CCDC181: variants seen among roughly 807,000 people sequenced by gnomAD.
CCDC181 encodes coiled-coil domain containing 181.
A neutral mutation model predicts 58.7 loss-of-function variants in CCDC181; 35 were observed. That is an observed-to-expected ratio of 0.60 (90% CI 0.46 to 0.79). CCDC181 has a LOEUF of 0.79. CCDC181 is among the 30% of genes least tolerant of loss of function. The probability of loss-of-function intolerance (pLI) is 0.00; values close to 1 mark genes in which losing one functional copy is unlikely to be tolerated. For synonymous variants in CCDC181, 183 were observed against 197.5 expected, an observed-to-expected ratio of 0.93 and a Z score of 0.62; for missense variants, 517 against 583.9, an observed-to-expected ratio of 0.89 and a Z score of 1.18.
chr1:169,404,393 T>C (rs895548517), intron 4 of CCDC181, among the ~76,000 whole-genome samples: 1 of 152,174 alleles, frequency 6.6e-6, no homozygotes, highest in African/African-American at 2.4e-5. Context: ...CTGATGAACA[T>C]TGATGCAAAA....
At chr1:169,454,042 A>C (rs1195932674) in intron 2 of CCDC181, among the ~76,000 whole-genome samples, 3 of 152,012 alleles carry the variant, frequency 2.0e-5, no homozygotes, top group Non-Finnish European at 4.4e-5. Flanking sequence ...GACCAAATAG[A>C]TGCATTCTTG....
chr1:169,403,490 C>T (rs533093213), intron 4 of CCDC181, among the ~76,000 whole-genome samples: 13 of 152,294 alleles, frequency 8.5e-5, no homozygotes, highest in South Asian at 4.1e-4. Context: ...CAAACTAGAA[C>T]GCAGGCTTAA....
chr1:169,422,322 A>G lies in CCDC181; in HGVS notation c.118-9T>C. On this transcript the variant is annotated splice_polypyrimidine_tract_variant and intron_variant, in intron 2 of 5. Transcript: ENST00000367806. Reference sequence around the variant, plus strand: ...TCCTTCTCACAAGCCATCTAAAAACAAGATATTTTTCAGTCAAAATTGAGA... The same window carrying G: ...TCCTTCTCACAAGCCATCTAAAAACGAGATATTTTTCAGTCAAAATTGAGA... 1.3e-6 allele frequency: 2 copies of G among 1,510,464 alleles called. No homozygotes were observed. The highest frequency in any genetic ancestry group is 8.9e-7 in the Non-Finnish European group (1 of 1,121,110). The allele number at this position is 1,510,464 out of a possible 1,614,324, so 93.6% of individuals were successfully genotyped here.
chr1:169,455,694 A>G (rs527820586), intron 2 of CCDC181, among the ~76,000 whole-genome samples: 1 of 152,290 alleles, frequency 6.6e-6, no homozygotes, highest in South Asian at 2.1e-4. Flanking sequence ...CCTAGCAGCC[A>G]ATACAGTTAA....
At chr1:169,420,050 A>G (rs6427191) in intron 3 of CCDC181, among the ~76,000 whole-genome samples, 18,394 of 152,176 alleles carry the variant, frequency 0.12, 1,167 homozygotes, top group Admixed American at 0.14. Context: ...AGAGAATCCA[A>G]ATGAAAACAG....
chr1:169,415,850 T>C (rs1450904170), intron 4 of CCDC181, among the ~76,000 whole-genome samples: 2 of 152,174 alleles, frequency 1.3e-5, no homozygotes, highest in Non-Finnish European at 2.9e-5. Flanking sequence ...TGCCACGTAT[T>C]TCTATGGCCA....
At chr1:169,418,074 T>G (rs1571487796) in intron 4 of CCDC181, among the ~76,000 whole-genome samples, 1 of 152,294 alleles carries the variant, frequency 6.6e-6, no homozygotes, top group East Asian at 1.9e-4. Flanking sequence ...AACTATAAAT[T>G]CATATTATCT....
At position 169,439,460 on chromosome 1, in the gene CCDC181, G is replaced by T. The variant is rs1239152866; in HGVS notation, c.-23-14510C>A. On this transcript the variant is annotated intron_variant, in intron 2 of 6. Coordinates refer to the CCDC181 transcript ENST00000545005. ...CCTGACCCCCTCCCTCGTGGAACTT[G>T]TGACAGGGGTGCAGCTCATTTGCTC... Among the ~76,000 whole-genome samples the T allele has an allele frequency of 4.6e-5, 7 of 152,332 alleles. No individual in the cohort carries two copies. The East Asian group carries it at 7.7e-4, about 17-fold the overall frequency.
intron 2 of CCDC181, among the ~76,000 whole-genome samples, chr1:169,448,157 C>CATCCACTCCACTT (rs1463077289): frequency 1.3e-5 from 2 of 152,124 alleles, no homozygotes; most frequent in African/African-American, 4.8e-5. Flanking sequence ...ACATCATTGT[C>CATCCACTCCACTT]ATCCACTCCA....
chr1:169,453,368 T>G (rs1657599192), intron 2 of CCDC181, among the ~76,000 whole-genome samples: 1 of 152,126 alleles, frequency 6.6e-6, no homozygotes, highest in Non-Finnish European at 1.5e-5. Flanking sequence ...TAAATAGTAA[T>G]GTATGTGAAA....
Position 169,427,472 on chromosome 1 carries a change from A to G in CCDC181, c.-208T>C, listed in dbSNP as rs930402184. 1 of 152,228 alleles carries G rather than the reference A, an allele frequency of 6.6e-6. No individual in the cohort carries two copies. Among genetic ancestry groups the G allele is most frequent in the African/African-American group, 2.4e-5 (1 of 41,450 alleles). The allele number at this position is 152,228 out of a possible 1,614,324, so 9.4% of individuals were successfully genotyped here. A position where few individuals can be genotyped will look rare whatever the true frequency, so the allele number is the denominator to read the frequency against. On this transcript the variant is annotated 5_prime_UTR_variant, in exon 1 of 6. Transcript: ENST00000367806. Reference sequence around the variant, plus strand: ...CCATCCGGGCCTCTCTAACTACGAGAGCGACAAAAATCTGCGCAGGCGCAT... The same window carrying G: ...CCATCCGGGCCTCTCTAACTACGAGGGCGACAAAAATCTGCGCAGGCGCAT...
Position 169,419,116 on chromosome 1 carries a change from T to C in CCDC181, c.1112A>G (p.Glu371Gly). The C allele has an allele frequency of 1.2e-6, 2 of 1,610,398 alleles. No individual in the cohort carries two copies. Among genetic ancestry groups the C allele is most frequent in the South Asian group, 2.2e-5 (2 of 89,832 alleles). The change falls in exon 4 of 6, where the codon GAG (glutamate) becomes GGG (glycine). Residue 371 changes from glutamate (E) to glycine (G), a missense_variant. Coordinates refer to ENST00000367806, the MANE Select transcript of CCDC181 (RefSeq NM_001300969.2). ...KIEEEKEKKR[E>G]NDIVFKAWLQ... ...CCACGCTTTAAATACTATGTCATTCTCTCTCTTTTTTTCTTTCTCTTCTTC... is the reference window on the plus strand; with the variant it reads ...CCACGCTTTAAATACTATGTCATTCCCTCTCTTTTTTTCTTTCTCTTCTTC...
At chr1:169,417,631 G>T (rs544509867) in intron 4 of CCDC181, among the ~76,000 whole-genome samples, 1 of 152,098 alleles carries the variant, frequency 6.6e-6, no homozygotes, top group East Asian at 1.9e-4. Flanking sequence ...CCCCTTCCTA[G>T]AAGAAAGGAG....
intron 4 of CCDC181, among the ~76,000 whole-genome samples, chr1:169,413,785 T>G (rs1428294586): frequency 6.6e-6 from 1 of 150,986 alleles, no homozygotes; most frequent in East Asian, 1.9e-4. Flanking sequence ...AACCAAACAC[T>G]GCATGTTCTC....
chr1:169,457,632 C>G (rs1029960423), intron 2 of CCDC181, among the ~76,000 whole-genome samples: 1 of 152,116 alleles, frequency 6.6e-6, no homozygotes, highest in African/African-American at 2.4e-5. Flanking sequence ...AGAGGAATTA[C>G]TATACTAGGT....
chr1:169,400,933 C>G (rs1257736336), intron 4 of CCDC181, among the ~76,000 whole-genome samples: 1 of 152,130 alleles, frequency 6.6e-6, no homozygotes, highest in African/African-American at 2.4e-5. Context: ...ACCTGGAAAA[C>G]TGGGACACTC....
Position 169,441,249 on chromosome 1 carries a change from G to A in CCDC181, c.-23-16299C>T, listed in dbSNP as rs1024853622. Among the ~76,000 whole-genome samples, 7 of 152,124 alleles carry A rather than the reference G, an allele frequency of 4.6e-5. 2 individuals carry two copies. Among genetic ancestry groups the A allele is most frequent in the Non-Finnish European group, 1.5e-5 (1 of 67,994 alleles). ...AACTAATAATTTGTGAGTAACTTAC[G>A]TGCTTTATGCTATTAAGTTCATCAC... On this transcript the variant is annotated intron_variant, in intron 2 of 6. Transcript: ENST00000545005.
intron 2 of CCDC181, among the ~76,000 whole-genome samples, chr1:169,437,308 A>G (rs1332748971): frequency 6.6e-6 from 1 of 152,162 alleles, no homozygotes; most frequent in African/African-American, 2.4e-5. Context: ...TAAATATTGT[A>G]GCCTCTAGCT....
intron 4 of CCDC181, among the ~76,000 whole-genome samples, chr1:169,408,979 C>A (rs928096728): frequency 6.6e-6 from 1 of 152,180 alleles, no homozygotes; most frequent in African/African-American, 2.4e-5. Context: ...AATGCCTCTT[C>A]TCCTCCAAAG....
Sources: allele counts gnomAD v4.1 joint callset (sites outside exome capture counted in the v4.1 genomes callset), GRCh38; gene constraint gnomAD v4.1.1; transcripts MANE v1.5; gene names NCBI Gene and HGNC (gene_info 2026-07-23, HGNC 2026-07-21).